U2SURP: variants seen among roughly 807,000 people sequenced by gnomAD.
U2SURP encodes U2 snRNP associated SURP domain containing.
Under a neutral mutation model 144.9 loss-of-function variants are expected in U2SURP, and 9 were observed. The ratio of observed to expected loss-of-function variants is 0.06; its 90% CI spans 0.04 to 0.11. The LOEUF (loss-of-function observed/expected upper bound fraction) is 0.11, where lower values mean the gene tolerates loss of function less well. U2SURP is among the 10% of genes least tolerant of loss of function. The probability of loss-of-function intolerance (pLI) is 1.00; values close to 1 mark genes in which losing one functional copy is unlikely to be tolerated. For missense variants in U2SURP, 724 were observed against 1,226.7 expected (o/e 0.59, Z 6.12); for synonymous variants, 408 against 396.8 (o/e 1.03, Z -0.33).
chr3:143,029,230 G>A (rs1003637599), intron 16 of U2SURP, among the ~76,000 whole-genome samples: 5 of 152,168 alleles, frequency 3.3e-5, no homozygotes, highest in African/African-American at 1.2e-4. Context: ...AGCATTTTTA[G>A]AATATAGAAT....
chr3:143,017,281 G>C (rs1936417475), intron 6 of U2SURP: 1 of 208,936 alleles, frequency 4.8e-6, no homozygotes, highest in Admixed American at 5.9e-5. Flanking sequence ...TTGCAATGGG[G>C]TTGTCTTTTT....
At chr3:143,021,733 C>A (rs1417319866) in intron 10 of U2SURP, 178 bp downstream of exon 10, 3 of 626,174 alleles carry the variant, frequency 4.8e-6, no homozygotes, top group African/African-American at 1.8e-5. Context: ...TTTCCTCTTT[C>A]AGTAACTAGA....
Position 143,021,233 on chromosome 3 carries a change from C to G in U2SURP, c.734-117C>G, listed in dbSNP as rs139559086. 2.8e-3 allele frequency: 3,138 copies of G among 1,129,230 alleles called. 14 individuals carry two copies. Among genetic ancestry groups the G allele is most frequent in the Middle Eastern group, 0.014 (51 of 3,614 alleles). The allele number at this position is 1,129,230 out of a possible 1,614,324, so 70.0% of individuals were successfully genotyped here. ...ACAACAGAGTTGTGTGAAGTGGTCT[C>G]TCTTTTTGTCTCTCAGAAATACCTT... is the stretch of plus-strand genomic sequence containing the variant. On this transcript the variant is annotated intron_variant, in intron 8 of 27. Coordinates refer to ENST00000473835, the MANE Select transcript of U2SURP (RefSeq NM_001080415.2).
chr3:143,012,478 A>G (rs896168211), intron 3 of U2SURP, 125 bp downstream of exon 3: 13 of 944,128 alleles, frequency 1.4e-5, no homozygotes, highest in African/African-American at 5.1e-5. Flanking sequence ...ATTTGAAAAT[A>G]GCATTCTTTT....
In U2SURP at chr3:143,058,395, T is replaced by C. The variant is rs1156876768; in HGVS notation, c.*1945T>C. 1 of 151,856 alleles carries C rather than the reference T, an allele frequency of 6.6e-6. No individual in the cohort carries two copies. Among genetic ancestry groups the C allele is most frequent in the Non-Finnish European group, 1.5e-5 (1 of 67,794 alleles). The allele number at this position is 151,856 out of a possible 1,614,324, so 9.4% of individuals were successfully genotyped here. On this transcript the variant is annotated 3_prime_UTR_variant, in exon 28 of 28. Transcript: ENST00000473835. Reference sequence around the variant, plus strand: ...TTTGGGTGCTTATTTGTAATATTTTTCCTACTACATTGGAGTTTAGCAGTT... The same window carrying C: ...TTTGGGTGCTTATTTGTAATATTTTCCCTACTACATTGGAGTTTAGCAGTT...
chr3:143,007,444 ATTTT>A, intron 1 of U2SURP, among the ~76,000 whole-genome samples: 1 of 118,250 alleles, frequency 8.5e-6, no homozygotes, highest in South Asian at 2.8e-4. Context: ...CTTTCAAGAG[ATTTT>A]TTTTTTTTTT....
rs545537082 is a variant in U2SURP, at chr3:143,017,584, C to A, written c.570+609C>A. 6.3e-4 allele frequency among the ~76,000 whole-genome samples: 96 copies of A among 151,566 alleles called. 1 individual carries two copies. The highest frequency in any genetic ancestry group is 1.7e-3 in the Admixed American group (26 of 15,190). ...ATCTCTAAAAGCAATGAAAAAAAAACCCCAGCTTTATTGAGATATAATTCA... is the reference window on the plus strand; with the variant it reads ...ATCTCTAAAAGCAATGAAAAAAAAAACCCAGCTTTATTGAGATATAATTCA... On this transcript the variant is annotated intron_variant, in intron 6 of 27. Coordinates refer to ENST00000473835, the MANE Select transcript of U2SURP (RefSeq NM_001080415.2).
At chr3:143,036,942 T>C (rs1933844893) in intron 20 of U2SURP, 1 of 472,886 alleles carries the variant, frequency 2.1e-6, no homozygotes, top group Admixed American at 3.6e-5. Context: ...ACCAAACTTG[T>C]TTTTGCTCAT....
chr3:143,045,919 G>A (rs994849338), intron 24 of U2SURP, among the ~76,000 whole-genome samples: 1 of 152,168 alleles, frequency 6.6e-6, no homozygotes, highest in Non-Finnish European at 1.5e-5. Flanking sequence ...ACTAGAACTC[G>A]GAGCTCATGA....
intron 24 of U2SURP, among the ~76,000 whole-genome samples, chr3:143,049,221 G>A (rs1427638766): frequency 7.1e-6 from 1 of 140,828 alleles, no homozygotes; most frequent in Non-Finnish European, 1.5e-5. Context: ...AGCCGAGATT[G>A]TGCCACTGCA....
intron 24 of U2SURP, among the ~76,000 whole-genome samples, chr3:143,050,713 A>G (rs1934812470): frequency 6.6e-6 from 1 of 152,226 alleles, no homozygotes; most frequent in African/African-American, 2.4e-5. Flanking sequence ...TCTTACAGCC[A>G]TGAAGCACGG....
intron 1 of U2SURP, among the ~76,000 whole-genome samples, chr3:143,003,882 G>A (rs946835016): frequency 2.6e-5 from 4 of 151,846 alleles, no homozygotes; most frequent in African/African-American, 9.7e-5. Context: ...AGTAGAGACG[G>A]GGTTTCACCA....
In U2SURP at chr3:143,043,242, G is replaced by A. The variant is rs768008125; in HGVS notation, c.2510G>A (p.Ser837Asn). ...ESKFSKYSEM[S>N]EEKRAKLREI... is the part of the protein sequence containing the mutation. ...AAGTTCTCTAAGTACTCTGAAATGA[G>A]TGAGGAAAAACGAGCCAAACTTCGT... is the stretch of plus-strand genomic sequence containing the variant. Residue 837 changes from serine (S) to asparagine (N), a missense_variant, in exon 24 of 28, where the codon AGT (serine) becomes AAT (asparagine). Physicochemically the swap from Ser to Asn is conservative, Grantham distance 46. Coordinates refer to ENST00000473835, the MANE Select transcript of U2SURP (RefSeq NM_001080415.2). The A allele has an allele frequency of 6.2e-7, 1 of 1,604,768 alleles. No individual in the cohort carries two copies. The highest frequency in any genetic ancestry group is 8.5e-7 in the Non-Finnish European group (1 of 1,175,122).
At position 143,021,401 on chromosome 3, in the gene U2SURP, G is replaced by C; in HGVS notation, c.769+16G>C. ...TCATCTGGTGGTAATACAGTTTTTT[G>C]CTCTTTTAATCGATAAATTTTCCAA... On this transcript the variant is annotated intron_variant, in intron 9 of 27. Coordinates refer to ENST00000473835, the MANE Select transcript of U2SURP (RefSeq NM_001080415.2). 1.9e-6 allele frequency: 3 copies of C among 1,605,286 alleles called. No individual in the cohort carries two copies. Among genetic ancestry groups the C allele is most frequent in the South Asian group, 2.2e-5 (2 of 89,710 alleles).
intron 24 of U2SURP, among the ~76,000 whole-genome samples, chr3:143,045,366 C>CAAAA (rs11356372): frequency 9.3e-5 from 7 of 75,410 alleles, no homozygotes; most frequent in Non-Finnish European, 1.3e-4. Context: ...GAGACGCCGT[C>CAAAA]AAAAAAAAAA....
intron 23 of U2SURP, among the ~76,000 whole-genome samples, chr3:143,039,521 C>T (rs922151209): frequency 1.3e-5 from 2 of 151,532 alleles, no homozygotes; most frequent in African/African-American, 4.8e-5. Context: ...TCTCTCCTCT[C>T]AGATTCTCCT....
chr3:143,052,672 G>A (rs756984563), intron 25 of U2SURP, among the ~76,000 whole-genome samples: 1 of 152,156 alleles, frequency 6.6e-6, no homozygotes, highest in Non-Finnish European at 1.5e-5. Context: ...ACTGTATGTG[G>A]CCCACAAAGC....
At chr3:143,055,641 G>C (rs1457646785) in intron 27 of U2SURP, among the ~76,000 whole-genome samples, 1 of 152,084 alleles carries the variant, frequency 6.6e-6, no homozygotes, top group African/African-American at 2.4e-5. Flanking sequence ...GAATTTTCCT[G>C]AGAGCTAAAA....
Position 143,045,164 on chromosome 3 carries a change from A to G in U2SURP, c.2544+1888A>G, listed in dbSNP as rs561805770. On this transcript the variant is annotated intron_variant, in intron 24 of 27. Coordinates refer to ENST00000473835, the MANE Select transcript of U2SURP (RefSeq NM_001080415.2). ...GGCGGGTGGATCACGAGGTCAGGAG[A>G]TCGAGAATATCCTGGCTAACACGGT... is the stretch of plus-strand genomic sequence containing the variant. 1.7e-3 allele frequency among the ~76,000 whole-genome samples: 266 copies of G among 152,038 alleles called. 2 individuals are homozygous for G. The highest frequency in any genetic ancestry group is 2.9e-3 in the Non-Finnish European group (198 of 67,954).
Sources: allele counts gnomAD v4.1 joint callset (sites outside exome capture counted in the v4.1 genomes callset), GRCh38; gene constraint gnomAD v4.1.1; transcripts MANE v1.5; gene names NCBI Gene and HGNC (gene_info 2026-07-23, HGNC 2026-07-21).